Variants in VRK2 observed in about 807,000 individuals in gnomAD.
VRK2 encodes the protein VRK serine/threonine kinase 2, also known as serine/threonine-protein kinase VRK2.
A neutral mutation model predicts 57.6 loss-of-function variants in VRK2; 60 were observed. The ratio of observed to expected loss-of-function variants is 1.04; its 90% CI spans 0.85 to 1.29. The LOEUF (loss-of-function observed/expected upper bound fraction) is 1.29. VRK2 is among the 50% of genes most tolerant of loss of function. The pLI, the probability that VRK2 is intolerant of heterozygous loss-of-function variation, is 0.00. For missense variants in VRK2, 705 were observed against 588.1 expected (o/e 1.20, Z -2.06); for synonymous variants, 231 against 199.2 (o/e 1.16, Z -1.35).
chr2:58,113,923 G>A (rs899663375), intron 7 of VRK2, among the ~76,000 whole-genome samples: 4 of 152,042 alleles, frequency 2.6e-5, no homozygotes, highest in Admixed American at 6.5e-5. Context: ...TTGGGGCGGC[G>A]AAAATTTTTG....
At position 57,921,065 on chromosome 2, in the gene VRK2, T is replaced by C. The variant is rs1015015735; in HGVS notation, c.-439+13226T>C. 3.9e-5 allele frequency among the ~76,000 whole-genome samples: 6 copies of C among 152,166 alleles called. No homozygotes were observed. In the East Asian group the frequency reaches 1.2e-3, roughly 29 times the overall value. On this transcript the variant is annotated intron_variant, in intron 1 of 15. Coordinates refer to the VRK2 transcript ENST00000417641. Reference sequence around the variant, plus strand: ...TTAACGAATTAATCAGCCAGTTAGATGAGCAGGGACTAGGACTTGGTGTTC... The same window carrying C: ...TTAACGAATTAATCAGCCAGTTAGACGAGCAGGGACTAGGACTTGGTGTTC...
chr2:58,058,440 C>G (rs756302156), intron 2 of VRK2: 1 of 470,156 alleles, frequency 2.1e-6, no homozygotes, highest in Non-Finnish European at 4.4e-6. Context: ...CAATCGGAAG[C>G]TTCGACATGT....
At position 57,984,969 on chromosome 2, in the gene VRK2, TA is replaced by T. The variant is rs140874085; in HGVS notation, c.-438-40687del. Among the ~76,000 whole-genome samples, 684 of 150,516 alleles carry T rather than the reference TA, an allele frequency of 4.5e-3. 9 individuals are homozygous for T. Among genetic ancestry groups the T allele is most frequent in the South Asian group, 0.011 (51 of 4,742 alleles). On this transcript the variant is annotated intron_variant, in intron 1 of 15. Coordinates refer to the VRK2 transcript ENST00000417641. ...AAAAATATATAGAGCATTTAACAAC[TA>T]AAAAAAAATGTTATGAGGGGGATTA...
intron 1 of VRK2, among the ~76,000 whole-genome samples, chr2:57,910,357 A>C (rs978437415): frequency 6.7e-6 from 1 of 148,302 alleles, no homozygotes; most frequent in African/African-American, 2.7e-5. Context: ...GGATTATGAC[A>C]ATAAAACACA....
chr2:57,997,400 T>C (rs1355043382), intron 1 of VRK2, among the ~76,000 whole-genome samples: 1 of 151,966 alleles, frequency 6.6e-6, no homozygotes, highest in African/African-American at 2.4e-5. Flanking sequence ...AGTTGAGAGA[T>C]GCAATAAGAT....
chr2:58,076,957 A>C (rs1037074496), intron 2 of VRK2, among the ~76,000 whole-genome samples: 2 of 152,064 alleles, frequency 1.3e-5, no homozygotes, highest in African/African-American at 2.4e-5. Flanking sequence ...CACATAGTAC[A>C]TTACATAGTT....
At chr2:58,131,964 C>T (rs1679265020) in intron 9 of VRK2, 36 bp downstream of exon 9, 3 of 1,612,260 alleles carry the variant, frequency 1.9e-6, no homozygotes, top group Admixed American at 1.7e-5. Flanking sequence ...TGTACTGCAC[C>T]AGGTCTGAAG....
At chr2:58,041,433 T>C (rs1275111123) in intron 3 of VRK2, among the ~76,000 whole-genome samples, 4 of 152,114 alleles carry the variant, frequency 2.6e-5, no homozygotes, top group Non-Finnish European at 4.4e-5. Context: ...TGGGTATGCA[T>C]ACCCTCTGCC....
intron 2 of VRK2, among the ~76,000 whole-genome samples, chr2:58,082,097 T>G (rs1043713264): frequency 6.6e-6 from 1 of 151,806 alleles, no homozygotes; most frequent in Admixed American, 6.6e-5. Context: ...ATAATCTGAC[T>G]TGGAAGCTTA....
chr2:57,977,750 C>G lies in VRK2; in HGVS notation c.-438-47915C>G, dbSNP rs369071886. On this transcript the variant is annotated intron_variant, in intron 1 of 15. Coordinates refer to the VRK2 transcript ENST00000417641. ...ATGGCTCTGTTTAGGGCTTCCAGTA[C>G]GATGTTGAATAGGAATGGTGACAAT... Among the ~76,000 whole-genome samples, 44 of 150,964 alleles carry G rather than the reference C, an allele frequency of 2.9e-4. 2 individuals carry two copies. Among genetic ancestry groups the G allele is most frequent in the African/African-American group, 1.0e-3 (42 of 40,396 alleles).
At chr2:57,952,475 C>T (rs1671457379) in intron 1 of VRK2, among the ~76,000 whole-genome samples, 1 of 152,144 alleles carries the variant, frequency 6.6e-6, no homozygotes, top group Non-Finnish European at 1.5e-5. Flanking sequence ...TTCTTCCAAA[C>T]TCTGGTTTTT....
chr2:58,062,771 A>C (rs1677539267), intron 2 of VRK2, among the ~76,000 whole-genome samples: 2 of 152,104 alleles, frequency 1.3e-5, no homozygotes, highest in Non-Finnish European at 2.9e-5. Flanking sequence ...TAAGGAAAGA[A>C]GTCATCTCCA....
At chr2:57,926,765 A>G (rs532239685) in intron 1 of VRK2, among the ~76,000 whole-genome samples, 44 of 145,638 alleles carry the variant, frequency 3.0e-4, no homozygotes, top group African/African-American at 1.1e-3. Context: ...GATGAAGTGT[A>G]TTTCTTGTAG....
At chr2:58,101,856 A>G (rs1674015200) in intron 7 of VRK2, among the ~76,000 whole-genome samples, 1 of 151,692 alleles carries the variant, frequency 6.6e-6, no homozygotes, top group Non-Finnish European at 1.5e-5. Flanking sequence ...TTCAACTTAT[A>G]TTTCCAGAAG....
At chr2:58,027,160 C>T (rs929430680) in intron 2 of VRK2, among the ~76,000 whole-genome samples, 1 of 151,904 alleles carries the variant, frequency 6.6e-6, no homozygotes, top group African/African-American at 2.4e-5. Context: ...ATCTCCCTTC[C>T]TAATAATCTA....
intron 2 of VRK2, among the ~76,000 whole-genome samples, chr2:58,075,873 C>A (rs1670033512): frequency 7.7e-6 from 1 of 129,492 alleles, no homozygotes; most frequent in African/African-American, 2.7e-5. Context: ...AAAACTCTGC[C>A]CCAATAAGAT....
exon 2 of VRK2, chr2:58,025,693 A>G (rs779039742): frequency 2.6e-5 from 4 of 152,208 alleles, no homozygotes; most frequent in Non-Finnish European, 4.4e-5. Context: ...AGATGGCTTA[A>G]GGATGCCCTT....
intron 1 of VRK2, among the ~76,000 whole-genome samples, chr2:57,966,960 GGAGA>G (rs1368857819): frequency 6.6e-6 from 1 of 152,144 alleles, no homozygotes; most frequent in Non-Finnish European, 1.5e-5. Context: ...GTGATCAGCA[GGAGA>G]GAGTCTAGTA....
At chr2:58,139,174 T>G (rs1265061913) in intron 10 of VRK2, among the ~76,000 whole-genome samples, 1 of 152,148 alleles carries the variant, frequency 6.6e-6, no homozygotes, top group Non-Finnish European at 1.5e-5. Context: ...CAACATGGAA[T>G]TCAAGGTCCT....
Sources: allele counts gnomAD v4.1 joint callset (sites outside exome capture counted in the v4.1 genomes callset), GRCh38; gene constraint gnomAD v4.1.1; transcripts MANE v1.5; gene names NCBI Gene and HGNC (gene_info 2026-07-23, HGNC 2026-07-21).